UNG: variants seen among roughly 807,000 people sequenced by gnomAD.
The protein encoded by UNG is uracil DNA glycosylase.
In UNG, 34 loss-of-function variants were observed where a neutral mutation model predicts 36.5. That is an observed-to-expected ratio of 0.93 (90% CI 0.71 to 1.24). The LOEUF is 1.24. Among genes scored for constraint, UNG ranks in the 50% most tolerant of loss-of-function variants. The pLI, the probability that UNG is intolerant of heterozygous loss-of-function variation, is 0.00. For missense variants in UNG, 391 were observed against 397.6 expected, an observed-to-expected ratio of 0.98 and a Z score of 0.14; for synonymous variants, 172 against 157.8, an observed-to-expected ratio of 1.09 and a Z score of -0.67.
In UNG at chr12:109,108,591, C is replaced by T. The variant is rs533318575; in HGVS notation, c.802-1238C>T. Among the ~76,000 whole-genome samples the T allele has an allele frequency of 1.2e-3, 182 of 152,120 alleles. 1 individual carries two copies. The highest frequency in any genetic ancestry group is 6.8e-3 in the Middle Eastern group (2 of 294). ...AGGCTACAGTGGGCCACAGTCATGC[C>T]ACTACACTCTAGCCTGGGTGACAGA... On this transcript the variant is annotated intron_variant, in intron 6 of 6. Coordinates refer to ENST00000242576, the MANE Select transcript of UNG (RefSeq NM_080911.3).
At chr12:109,108,933 C>T (rs896794093) in intron 6 of UNG, among the ~76,000 whole-genome samples, 5 of 152,208 alleles carry the variant, frequency 3.3e-5, no homozygotes, top group South Asian at 2.1e-4. Flanking sequence ...TGACTGGCCC[C>T]GTTCTATTTT....
chr12:109,101,888 C>G lies in UNG; in HGVS notation c.436-14C>G, dbSNP rs753892861. The stretch of plus-strand genomic sequence containing the variant: ...TACAGTATTGTTTAATTCCTGACCC[C>G]TGGTGGTTCACAGGTGAAGGTTGTC... On this transcript the variant is annotated splice_polypyrimidine_tract_variant and intron_variant, in intron 3 of 6. Transcript: ENST00000242576. 1.2e-6 allele frequency: 2 copies of G among 1,611,892 alleles called. No homozygotes were observed. Among genetic ancestry groups the G allele is most frequent in the Non-Finnish European group, 1.7e-6 (2 of 1,178,180 alleles).
intron 2 of UNG, 91 bp downstream of exon 2, chr12:109,098,729 C>T (rs1209916916): frequency 1.9e-6 from 3 of 1,566,716 alleles, no homozygotes; most frequent in African/African-American, 1.4e-5. Flanking sequence ...TTCATGTTTC[C>T]GTAGGCTTAG....
chr12:109,101,643 G>T (rs1373336864), intron 3 of UNG, among the ~76,000 whole-genome samples: 1 of 152,160 alleles, frequency 6.6e-6, no homozygotes, highest in East Asian at 1.9e-4. Context: ...CCAGGAGGGC[G>T]AGGCTGCCAT....
chr12:109,104,459 C>T (rs989942591), intron 6 of UNG, among the ~76,000 whole-genome samples: 3 of 152,158 alleles, frequency 2.0e-5, no homozygotes, highest in African/African-American at 7.2e-5. Flanking sequence ...TCTTTCCCTT[C>T]ACTCACTGAA....
At chr12:109,106,105 G>A (rs991795707) in intron 6 of UNG, among the ~76,000 whole-genome samples, 2 of 152,164 alleles carry the variant, frequency 1.3e-5, no homozygotes, top group Admixed American at 6.5e-5. Context: ...ACATTTACAG[G>A]GGCCTGTGCT....
chr12:109,108,646 TAAAA>T (rs755239420), intron 6 of UNG, among the ~76,000 whole-genome samples: 1 of 150,768 alleles, frequency 6.6e-6, no homozygotes. Context: ...AATAAAAAAT[TAAAA>T]AAAAAGATCT....
Position 109,098,772 on chromosome 12 carries a change from A to G in UNG, c.339+134A>G. On this transcript the variant is annotated intron_variant, in intron 2 of 6. Coordinates refer to ENST00000242576, the MANE Select transcript of UNG (RefSeq NM_080911.3). ...CCCCTTCAACCTCCTTTACTCACAA[A>G]GGGGGTAAAAGAAAGCCATGATGTT... The G allele has an allele frequency of 7.7e-6, 9 of 1,170,014 alleles. No individual in the cohort carries two copies. The South Asian group carries it at 1.3e-4, about 17-fold the overall frequency. 72.5% of individuals were successfully genotyped at this position (1,170,014 alleles called of 1,614,324 possible).
chr12:109,106,759 T>G (rs1257002593), intron 6 of UNG, among the ~76,000 whole-genome samples: 1 of 147,694 alleles, frequency 6.8e-6, no homozygotes, highest in Non-Finnish European at 1.5e-5. Context: ...ATTAGCCAGG[T>G]GTGGCGGCGT....
At position 109,099,312 on chromosome 12, in the gene UNG, T is replaced by C. The variant is rs369360198; in HGVS notation, c.435+28T>C. On this transcript the variant is annotated intron_variant, in intron 3 of 6. Coordinates refer to ENST00000242576, the MANE Select transcript of UNG (RefSeq NM_080911.3). ...AAGTACAACTTGTTGATAATTTTTA[T>C]TGGGGAGAAGGAGTCAAATAGTATT... The C allele has an allele frequency of 2.4e-4, 383 of 1,587,258 alleles. 4 individuals are homozygous for C. In the South Asian group the frequency reaches 3.6e-3, roughly 15 times the overall value.
chr12:109,097,862 TG>T, intron 1 of UNG, 51 bp downstream of exon 1: 1 of 1,473,900 alleles, frequency 6.8e-7, no homozygotes. Context: ...AGGAAGGCGG[TG>T]GGCCCCGCCT....
chr12:109,103,354 C>A, intron 5 of UNG, 79 bp from the exon 6 acceptor site: 1 of 1,362,404 alleles, frequency 7.3e-7, no homozygotes, highest in Non-Finnish European at 1.0e-6. Flanking sequence ...TTGGTTTCAT[C>A]ATGGATTTAG....
intron 6 of UNG, among the ~76,000 whole-genome samples, chr12:109,104,829 A>G (rs1391592442): frequency 6.6e-6 from 1 of 152,122 alleles, no homozygotes; most frequent in Non-Finnish European, 1.5e-5. Flanking sequence ...GTAACCTGAC[A>G]ATAGTTTTTG....
intron 2 of UNG, 68 bp from the exon 3 acceptor site, chr12:109,099,121 C>A: frequency 7.0e-7 from 1 of 1,425,978 alleles, no homozygotes. Flanking sequence ...GCACTAGAAG[C>A]TTTCTTATTG....
chr12:109,099,440 C>T, intron 3 of UNG, 156 bp downstream of exon 3: 1 of 691,720 alleles, frequency 1.4e-6, no homozygotes. Flanking sequence ...CCTGTATTTA[C>T]TCTTTTTAAT....
chr12:109,097,858 GC>G, intron 1 of UNG, 47 bp downstream of exon 1: 1 of 1,479,454 alleles, frequency 6.8e-7, no homozygotes, highest in African/African-American at 1.4e-5. Context: ...GGGGAGGAAG[GC>G]GGTGGGCCCC....
In UNG at chr12:109,098,536, C is replaced by T. The variant is rs765568201; in HGVS notation, c.237C>T (p.Ala79=). 5 of 1,612,944 alleles carry T rather than the reference C, an allele frequency of 3.1e-6. No homozygotes were observed. The South Asian group carries it at 3.3e-5, about 11-fold the overall frequency. The change falls in exon 2 of 7, where the codon GCC becomes GCT. Residue 79 remains alanine (A), a synonymous_variant. Coordinates refer to ENST00000242576, the MANE Select transcript of UNG (RefSeq NM_080911.3). The stretch of plus-strand genomic sequence containing the variant: ...TGGACCGGATCCAGAGGAACAAGGC[C>T]GCGGCCCTGCTCAGACTCGCGGCCC... ...EQLDRIQRNK[A]AALLRLAARN...
rs1428373587 is a variant in UNG at position 109,098,037 on chromosome 12, C to A, written c.132+226C>A. The A allele has an allele frequency of 3.7e-6, 5 of 1,342,632 alleles. No individual in the cohort carries two copies. In the African/African-American group the frequency reaches 6.0e-5, roughly 16 times the overall value. The allele number at this position is 1,342,632 out of a possible 1,614,324, so 83.2% of individuals were successfully genotyped here. A position where few individuals can be genotyped will look rare whatever the true frequency, so the allele number is the denominator to read the frequency against. ...TCGGGGCCCATGGCGCCAATCCGCG[C>A]GCCGCAGGCCCTCCTGGCTCGGTGC... On this transcript the variant is annotated intron_variant, in intron 1 of 6. Transcript: ENST00000242576.
At chr12:109,104,055 G>T (rs202100458) in intron 6 of UNG, among the ~76,000 whole-genome samples, 1 of 148,138 alleles carries the variant, frequency 6.8e-6, no homozygotes, top group African/African-American at 2.6e-5. Flanking sequence ...TTGTTTCTGG[G>T]TTTTTTGTTT....
Sources: allele counts gnomAD v4.1 joint callset (sites outside exome capture counted in the v4.1 genomes callset), GRCh38; gene constraint gnomAD v4.1.1; transcripts MANE v1.5; gene names NCBI Gene and HGNC (gene_info 2026-07-23, HGNC 2026-07-21).